NLGN1: variants seen among roughly 807,000 people sequenced by gnomAD.
NLGN1 encodes the protein neuroligin-1.
Under a neutral mutation model 65.5 loss-of-function variants are expected in NLGN1, and 12 were observed. That is an observed-to-expected ratio of 0.18 (90% CI 0.12 to 0.30). NLGN1 has a LOEUF of 0.30. Ranked by LOEUF, NLGN1 falls within the 10% of genes least tolerant of loss-of-function variation. NLGN1 has a pLI of 1.00. For synonymous variants in NLGN1, 350 were observed against 359.5 expected, an observed-to-expected ratio of 0.97 and a Z score of 0.30; for missense variants, 750 against 1,007.1, an observed-to-expected ratio of 0.74 and a Z score of 3.46.
At chr3:174,274,870 T>A (rs898857110) in intron 4 of NLGN1, among the ~76,000 whole-genome samples, 3 of 151,976 alleles carry the variant, frequency 2.0e-5, no homozygotes, top group South Asian at 2.1e-4. Context: ...CACATGTCCA[T>A]CCTGCCATTC....
chr3:174,290,184 T>C (rs1056647064), downstream of NLGN1, among the ~76,000 whole-genome samples: 2 of 150,754 alleles, frequency 1.3e-5, no homozygotes, highest in African/African-American at 2.4e-5. Flanking sequence ...CAAGATTATT[T>C]TGAATCAAAA....
At chr3:173,517,342 A>G (rs946893898) in intron 2 of NLGN1, among the ~76,000 whole-genome samples, 3 of 152,030 alleles carry the variant, frequency 2.0e-5, no homozygotes, top group African/African-American at 7.2e-5. Context: ...AAGTTTATTC[A>G]TAGCTACTAT....
At chr3:174,273,438 GAA>G (rs1749873329) in intron 4 of NLGN1, among the ~76,000 whole-genome samples, 1 of 151,614 alleles carries the variant, frequency 6.6e-6, no homozygotes, top group South Asian at 2.1e-4. Context: ...GAATCTTTCA[GAA>G]GTTTAAACTA....
At chr3:173,635,000 T>G (rs1756353809) in intron 3 of NLGN1, among the ~76,000 whole-genome samples, 1 of 152,162 alleles carries the variant, frequency 6.6e-6, no homozygotes, top group Admixed American at 6.5e-5. Flanking sequence ...TTAACTAAAT[T>G]TTTAATCTCT....
At chr3:174,212,223 C>T (rs763866850) in intron 4 of NLGN1, among the ~76,000 whole-genome samples, 6 of 152,216 alleles carry the variant, frequency 3.9e-5, no homozygotes, top group Non-Finnish European at 8.8e-5. Flanking sequence ...GGGTGCTAAG[C>T]CCCTCACTGT....
chr3:173,698,952 G>C (rs1236478345), intron 3 of NLGN1, among the ~76,000 whole-genome samples: 1 of 152,052 alleles, frequency 6.6e-6, no homozygotes, highest in Non-Finnish European at 1.5e-5. Flanking sequence ...CACCTCCCAG[G>C]TTCAAGCGAT....
intron 4 of NLGN1, among the ~76,000 whole-genome samples, chr3:174,109,656 G>A (rs370959870): frequency 6.6e-6 from 1 of 151,598 alleles, no homozygotes; most frequent in African/African-American, 2.4e-5. Context: ...CTTTATTGAG[G>A]CTCAGTTGAA....
intron 3 of NLGN1, among the ~76,000 whole-genome samples, chr3:173,679,537 T>G (rs1244004031): frequency 1.3e-5 from 2 of 152,086 alleles, no homozygotes; most frequent in East Asian, 3.9e-4. Context: ...TTGGAATTGC[T>G]GAATACCATT....
chr3:174,192,168 T>C (rs997091456), intron 4 of NLGN1, among the ~76,000 whole-genome samples: 13 of 152,110 alleles, frequency 8.5e-5, no homozygotes, highest in African/African-American at 3.1e-4. Context: ...TGAAAAAACA[T>C]TGATTTGTTT....
At chr3:173,481,542 T>C (rs1323212262) in intron 2 of NLGN1, among the ~76,000 whole-genome samples, 1 of 151,716 alleles carries the variant, frequency 6.6e-6, no homozygotes, top group Non-Finnish European at 1.5e-5. Flanking sequence ...CAATATGACT[T>C]TGTTCTTCAT....
chr3:173,862,505 C>CAAAAAA (rs10601211), intron 4 of NLGN1, among the ~76,000 whole-genome samples: 1,030 of 40,464 alleles, frequency 0.025, no homozygotes, highest in Non-Finnish European at 0.037. Context: ...GACTCCGTCT[C>CAAAAAA]AAAAAAAAAA....
chr3:173,487,690 G>C (rs568363112), intron 2 of NLGN1, among the ~76,000 whole-genome samples: 1 of 152,034 alleles, frequency 6.6e-6, no homozygotes, highest in Admixed American at 6.5e-5. Context: ...GAATTGTTCT[G>C]TGTATTACAC....
chr3:173,484,929 C>T (rs1193982659), intron 2 of NLGN1, among the ~76,000 whole-genome samples: 2 of 151,870 alleles, frequency 1.3e-5, no homozygotes, highest in Admixed American at 1.3e-4. Flanking sequence ...TGCAAGGGCC[C>T]CTTCCACTCT....
At chr3:173,630,800 A>G (rs899658272) in intron 3 of NLGN1, among the ~76,000 whole-genome samples, 2 of 152,176 alleles carry the variant, frequency 1.3e-5, no homozygotes, top group African/African-American at 2.4e-5. Context: ...TTTCTTTTAC[A>G]TGCCATAAAC....
At chr3:173,525,299 A>G (rs1735456401) in intron 2 of NLGN1, among the ~76,000 whole-genome samples, 1 of 151,798 alleles carries the variant, frequency 6.6e-6, no homozygotes. Flanking sequence ...TTTGTGACAC[A>G]TTACTGATCT....
At position 173,819,437 on chromosome 3, in the gene NLGN1, T is replaced by C. The variant is rs1282442105; in HGVS notation, c.646+11605T>C. On this transcript the variant is annotated intron_variant, in intron 4 of 6. Coordinates refer to ENST00000457714, the Ensembl canonical transcript of NLGN1. Reference sequence around the variant, plus strand: ...GTCATTCCAGATCTGCTGAATTACTTTGCTCTTCTTCTTGTCAAACTTTAC... The same window carrying C: ...GTCATTCCAGATCTGCTGAATTACTCTGCTCTTCTTCTTGTCAAACTTTAC... 2.6e-5 allele frequency among the ~76,000 whole-genome samples: 4 copies of C among 152,304 alleles called. No homozygotes were observed. In the South Asian group the frequency reaches 8.3e-4, roughly 32 times the overall value.
At chr3:174,020,908 G>A (rs1248775469) in intron 4 of NLGN1, among the ~76,000 whole-genome samples, 1 of 152,074 alleles carries the variant, frequency 6.6e-6, no homozygotes, top group Non-Finnish European at 1.5e-5. Context: ...ATTTAGAAGT[G>A]TGGTCTGTGT....
Position 173,788,442 on chromosome 3 carries a change from A to C in NLGN1, c.494-19238A>C, listed in dbSNP as rs749717805. 1.1e-3 allele frequency among the ~76,000 whole-genome samples: 165 copies of C among 151,984 alleles called. 1 individual carries two copies. The highest frequency in any genetic ancestry group is 1.8e-3 in the Non-Finnish European group (119 of 67,994). The stretch of plus-strand genomic sequence containing the variant: ...TTTTAATTTACTGTGTGATAGCAAA[A>C]ATTTTTAATATTTATTGTGTCCTCA... On this transcript the variant is annotated intron_variant, in intron 3 of 6. Coordinates refer to ENST00000457714, the Ensembl canonical transcript of NLGN1.
At chr3:173,922,434 A>G (rs2152266974) in intron 4 of NLGN1, among the ~76,000 whole-genome samples, 1 of 152,196 alleles carries the variant, frequency 6.6e-6, no homozygotes, top group Non-Finnish European at 1.5e-5. Context: ...ATTTTTAAAA[A>G]GCTGTTTCTC....
Sources: gnomAD v4.1 joint callset for allele counts (sites outside exome capture counted in the v4.1 genomes callset) on GRCh38, gnomAD v4.1.1 for gene constraint, MANE v1.5 for transcripts, NCBI Gene and HGNC (gene_info 2026-07-23, HGNC 2026-07-21) for gene names.